Variants in PRKRIP1 observed in about 807,000 individuals in gnomAD.
PRKRIP1 encodes PRKR interacting protein 1.
A neutral mutation model predicts 29.3 loss-of-function variants in PRKRIP1; 29 were observed. The ratio of observed to expected loss-of-function variants is 0.99; its 90% CI spans 0.74 to 1.35. The LOEUF is 1.35. Ranked by LOEUF, PRKRIP1 falls within the 40% of genes most tolerant of loss-of-function variation. The probability of loss-of-function intolerance (pLI) is 0.00; values close to 1 mark genes in which losing one functional copy is unlikely to be tolerated. For synonymous variants in PRKRIP1, 90 were observed against 85.1 expected, an observed-to-expected ratio of 1.06 and a Z score of -0.32; for missense variants, 247 against 236.8, an observed-to-expected ratio of 1.04 and a Z score of -0.28.
intron 5 of PRKRIP1, among the ~76,000 whole-genome samples, chr7:102,411,298 G>A (rs1250974003): frequency 6.6e-6 from 1 of 151,874 alleles, no homozygotes; most frequent in Non-Finnish European, 1.5e-5. Context: ...TGACCCTCCC[G>A]CCTTGGCCTC....
chr7:102,419,845 T>TTGTGTGTGTGTGTGTGTGTGTGTG (rs56752508), intron 5 of PRKRIP1, among the ~76,000 whole-genome samples: 1 of 142,718 alleles, frequency 7.0e-6, no homozygotes, highest in African/African-American at 2.7e-5. Flanking sequence ...TTTTGTGTTT[T>TTGTGTGTGTGTGTGTGTGTGTGTG]TGTGTGTGTG....
intron 5 of PRKRIP1, among the ~76,000 whole-genome samples, chr7:102,411,005 G>A (rs981811300): frequency 3.9e-5 from 6 of 151,990 alleles, no homozygotes; most frequent in Admixed American, 2.0e-4. Flanking sequence ...GGCTCGCGGC[G>A]GCCTTGAACT....
At chr7:102,413,257 T>C (rs1321011294) in intron 5 of PRKRIP1, among the ~76,000 whole-genome samples, 2 of 152,162 alleles carry the variant, frequency 1.3e-5, no homozygotes, top group African/African-American at 4.8e-5. Context: ...GAGGACGGAA[T>C]TGTTCCTGTC....
chr7:102,404,557 C>G, intron 3 of PRKRIP1, 41 bp from the exon 4 acceptor site: 1 of 1,554,936 alleles, frequency 6.4e-7, no homozygotes, highest in Non-Finnish European at 8.9e-7. Context: ...CACAGTCTGC[C>G]CAGACCAGAG....
chr7:102,404,762 T>C (rs782762307), intron 4 of PRKRIP1, 79 bp downstream of exon 4: 19 of 1,049,002 alleles, frequency 1.8e-5, no homozygotes, highest in Non-Finnish European at 2.8e-5. Context: ...CAGTCAGTAG[T>C]AGTTCCTCTG....
chr7:102,420,607 G>A (rs1796668680), intron 5 of PRKRIP1, among the ~76,000 whole-genome samples: 2 of 152,102 alleles, frequency 1.3e-5, no homozygotes, highest in Admixed American at 6.6e-5. Flanking sequence ...TGTGCCCCCG[G>A]TTTCTGGGTT....
chr7:102,419,505 C>T (rs1563623273), intron 5 of PRKRIP1, among the ~76,000 whole-genome samples: 1 of 152,148 alleles, frequency 6.6e-6, no homozygotes, highest in Admixed American at 6.6e-5. Flanking sequence ...CCACCACTGC[C>T]GTATCATACA....
chr7:102,412,751 A>G (rs1796422567), intron 5 of PRKRIP1, among the ~76,000 whole-genome samples: 1 of 152,134 alleles, frequency 6.6e-6, no homozygotes, highest in Non-Finnish European at 1.5e-5. Context: ...CACTCAAGCT[A>G]TTTTGGCTCT....
At chr7:102,411,974 G>A (rs1034594752) in intron 5 of PRKRIP1, among the ~76,000 whole-genome samples, 2 of 151,472 alleles carry the variant, frequency 1.3e-5, no homozygotes, top group Middle Eastern at 3.2e-3. Flanking sequence ...AGACGGTCTC[G>A]CTCTGTCGCC....
Position 102,425,869 on chromosome 7 carries a change from C to G in PRKRIP1, c.*758C>G, listed in dbSNP as rs1796818424. ...GGATTCCCAGCCGGACGGGGGTTCT[C>G]TCACCAACAGCTGTGATTTCATCCC... On this transcript the variant is annotated 3_prime_UTR_variant, in exon 6 of 6. Transcript: ENST00000397912. The G allele has an allele frequency of 6.5e-6, 1 of 154,078 alleles. No individual in the cohort carries two copies. The highest frequency in any genetic ancestry group is 1.5e-5 in the Non-Finnish European group (1 of 68,804). 9.5% of individuals were successfully genotyped at this position (154,078 alleles called of 1,614,324 possible).
intron 5 of PRKRIP1, among the ~76,000 whole-genome samples, chr7:102,414,084 G>A (rs62482947): frequency 0.17 from 26,271 of 151,990 alleles, 2,975 homozygotes; most frequent in East Asian, 0.35. Context: ...AAAATAAGCC[G>A]GGCATAATAG....
intron 3 of PRKRIP1, among the ~76,000 whole-genome samples, chr7:102,402,901 G>A (rs1458773319): frequency 6.7e-6 from 1 of 150,230 alleles, no homozygotes; most frequent in Non-Finnish European, 1.5e-5. Flanking sequence ...TTTTTTCTCT[G>A]AGACAGAGTC....
chr7:102,408,713 GTAT>G (rs1796296469), intron 5 of PRKRIP1, among the ~76,000 whole-genome samples: 1 of 152,124 alleles, frequency 6.6e-6, no homozygotes, highest in Non-Finnish European at 1.5e-5. Context: ...TTTCATTGAC[GTAT>G]TAAAATAGAA....
intron 3 of PRKRIP1, among the ~76,000 whole-genome samples, chr7:102,404,118 G>A (rs1796145294): frequency 6.6e-6 from 1 of 152,192 alleles, no homozygotes; most frequent in Non-Finnish European, 1.5e-5. Context: ...GTGAGCTATT[G>A]TGCCACTGCA....
chr7:102,406,123 C>G (rs1796213894), intron 4 of PRKRIP1, among the ~76,000 whole-genome samples: 1 of 152,176 alleles, frequency 6.6e-6, no homozygotes, highest in Admixed American at 6.5e-5. Context: ...AATTGGGCCC[C>G]TTCTGTTGAT....
intron 5 of PRKRIP1, among the ~76,000 whole-genome samples, chr7:102,417,395 C>T (rs1304003281): frequency 6.6e-6 from 1 of 152,108 alleles, no homozygotes; most frequent in African/African-American, 2.4e-5. Flanking sequence ...CTACATGCGT[C>T]ATTGAAGTCA....
At position 102,421,439 on chromosome 7, in the gene PRKRIP1, G is replaced by A. The variant is rs1586696483; in HGVS notation, c.458-3575G>A. Among the ~76,000 whole-genome samples the A allele has an allele frequency of 3.3e-5, 5 of 151,984 alleles. 1 individual carries two copies. The South Asian group carries it at 1.0e-3, about 32-fold the overall frequency. On this transcript the variant is annotated intron_variant, in intron 5 of 5. Transcript: ENST00000397912. The stretch of plus-strand genomic sequence containing the variant: ...ACACACCCATAGTCTCAGCTACTCA[G>A]GAGGCTACGGTGAGCCGTGATCACA...
chr7:102,418,778 C>T (rs1484466202), intron 5 of PRKRIP1, among the ~76,000 whole-genome samples: 1 of 152,164 alleles, frequency 6.6e-6, no homozygotes, highest in Non-Finnish European at 1.5e-5. Flanking sequence ...GAGGACATTG[C>T]TATGTGCAGT....
At chr7:102,409,517 C>T (rs1796320885) in intron 5 of PRKRIP1, among the ~76,000 whole-genome samples, 1 of 151,946 alleles carries the variant, frequency 6.6e-6, no homozygotes, top group African/African-American at 2.4e-5. Flanking sequence ...AGTAAGACCC[C>T]ATCTCTACAA....
Sources: gnomAD v4.1 joint callset for allele counts (sites outside exome capture counted in the v4.1 genomes callset) on GRCh38, gnomAD v4.1.1 for gene constraint, MANE v1.5 for transcripts, NCBI Gene and HGNC (gene_info 2026-07-23, HGNC 2026-07-21) for gene names.